The following TMOD3 variants were observed in gnomAD, a reference collection of about 807,000 sequenced individuals.
The protein encoded by TMOD3 is tropomodulin-3.
Under a neutral mutation model 39.2 loss-of-function variants are expected in TMOD3, and 20 were observed. That is an observed-to-expected ratio of 0.51 (90% CI 0.36 to 0.74). The LOEUF (loss-of-function observed/expected upper bound fraction) is 0.74. Ranked by LOEUF, TMOD3 falls within the 30% of genes least tolerant of loss-of-function variation. The probability of loss-of-function intolerance (pLI) is 0.00; values close to 1 mark genes in which losing one functional copy is unlikely to be tolerated. For missense variants in TMOD3, 381 were observed against 412.8 expected (o/e 0.92, Z 0.67); for synonymous variants, 143 against 145.8 (o/e 0.98, Z 0.14).
chr15:51,873,625 C>G (rs2056487129), intron 3 of TMOD3, among the ~76,000 whole-genome samples: 1 of 152,122 alleles, frequency 6.6e-6, no homozygotes, highest in South Asian at 2.1e-4. Flanking sequence ...GTTCCTTGAA[C>G]TCTTTCCAAA....
In TMOD3 at chr15:51,913,387, A is replaced by ATTTCAGAT. The variant is rs1415358603; in HGVS notation, c.*4587_*4594dup. 6.6e-6 allele frequency: 1 copy of ATTTCAGAT among 152,234 alleles called. No individual in the cohort carries two copies. The highest frequency in any genetic ancestry group is 1.5e-5 in the Non-Finnish European group (1 of 68,038). 9.4% of individuals were successfully genotyped at this position (152,234 alleles called of 1,614,324 possible). ...GGAAATGCTTATTGGAGCATTTAGA[A>ATTTCAGAT]TTTCAGATTTTCAGATTAGGGATGC... On this transcript the variant is annotated 3_prime_UTR_variant, in exon 10 of 10. Transcript: ENST00000308580.
intron 1 of TMOD3, among the ~76,000 whole-genome samples, chr15:51,848,503 C>T (rs554165818): frequency 1.5e-4 from 23 of 152,194 alleles, no homozygotes; most frequent in African/African-American, 4.8e-4. Flanking sequence ...AATCTCCAGC[C>T]GGAGATAACT....
intron 9 of TMOD3, among the ~76,000 whole-genome samples, chr15:51,905,622 CAT>C (rs1023928466): frequency 2.0e-5 from 3 of 152,132 alleles, no homozygotes; most frequent in African/African-American, 7.2e-5. Context: ...CCACCGAATA[CAT>C]GATTAAGATA....
chr15:51,868,646 C>G (rs1002223948), intron 2 of TMOD3, among the ~76,000 whole-genome samples: 1 of 152,180 alleles, frequency 6.6e-6, no homozygotes, highest in Non-Finnish European at 1.5e-5. Context: ...TTGTTTTCTG[C>G]TAGTAGAATC....
intron 3 of TMOD3, among the ~76,000 whole-genome samples, chr15:51,875,854 GTGATCCAC>G (rs2056500172): frequency 6.6e-6 from 1 of 151,912 alleles, no homozygotes; most frequent in African/African-American, 2.4e-5. Context: ...TCCTGACCTC[GTGATCCAC>G]CCACCTTGGC....
chr15:51,853,673 A>G (rs1365384111), intron 1 of TMOD3, among the ~76,000 whole-genome samples: 1 of 151,668 alleles, frequency 6.6e-6, no homozygotes, highest in African/African-American at 2.4e-5. Context: ...TTTGGGCATG[A>G]TGTCTTATGC....
Position 51,866,953 on chromosome 15 carries a change from C to G in TMOD3, c.127-2264C>G, listed in dbSNP as rs116279151. Among the ~76,000 whole-genome samples, 865 of 152,228 alleles carry G rather than the reference C, an allele frequency of 5.7e-3. 9 individuals are homozygous for G. Among genetic ancestry groups the G allele is most frequent in the African/African-American group, 0.02 (836 of 41,530 alleles). On this transcript the variant is annotated intron_variant, in intron 2 of 9. Coordinates refer to ENST00000308580, the MANE Select transcript of TMOD3 (RefSeq NM_014547.5). ...GCTTGTGATGAGAGGTTAAGAAAAGCTTCCCTGGGGGAATGGAGCTACAAT... is the reference window on the plus strand; with the variant it reads ...GCTTGTGATGAGAGGTTAAGAAAAGGTTCCCTGGGGGAATGGAGCTACAAT...
At position 51,882,505 on chromosome 15, in the gene TMOD3, A is replaced by T. The variant is rs565795142; in HGVS notation, c.284-5084A>T. 2.0e-5 allele frequency among the ~76,000 whole-genome samples: 3 copies of T among 152,268 alleles called. No individual in the cohort carries two copies. In the South Asian group the frequency reaches 6.2e-4, roughly 32 times the overall value. ...CCGAGTGAGAGACTGTCTCAAAAGA[A>T]AAAAACCAAAAACAAAAAACTTTGC... On this transcript the variant is annotated intron_variant, in intron 3 of 9. Transcript: ENST00000308580.
intron 3 of TMOD3, among the ~76,000 whole-genome samples, chr15:51,872,464 C>G (rs979278420): frequency 6.6e-6 from 1 of 151,858 alleles, no homozygotes; most frequent in Non-Finnish European, 1.5e-5. Context: ...TTTTCCCTTT[C>G]TTGTGAAAGG....
chr15:51,851,621 C>T (rs1257453389), intron 1 of TMOD3, among the ~76,000 whole-genome samples: 2 of 152,124 alleles, frequency 1.3e-5, no homozygotes, highest in African/African-American at 4.8e-5. Flanking sequence ...AACCAAGAAA[C>T]TCTTTTTAAA....
At position 51,909,647 on chromosome 15, in the gene TMOD3, G is replaced by A. The variant is rs2056700145; in HGVS notation, c.*837G>A. 1 of 152,062 alleles carries A rather than the reference G, an allele frequency of 6.6e-6. No homozygotes were observed. The highest frequency in any genetic ancestry group is 1.5e-5 in the Non-Finnish European group (1 of 67,970). The allele number at this position is 152,062 out of a possible 1,614,324, so 9.4% of individuals were successfully genotyped here. On this transcript the variant is annotated 3_prime_UTR_variant, in exon 10 of 10. Coordinates refer to ENST00000308580, the MANE Select transcript of TMOD3 (RefSeq NM_014547.5). ...CAACTCTTAGTTATTTAGGGTAAGA[G>A]AAAAAAGAAAACTGTTAAACAATGA...
chr15:51,906,300 A>G (rs996159143), intron 9 of TMOD3, among the ~76,000 whole-genome samples: 2 of 152,248 alleles, frequency 1.3e-5, no homozygotes, highest in Admixed American at 6.5e-5. Context: ...GAGATAATCA[A>G]AGAACAAGAC....
intron 7 of TMOD3, among the ~76,000 whole-genome samples, chr15:51,897,807 T>G (rs2056629378): frequency 7.0e-6 from 1 of 141,898 alleles, no homozygotes; most frequent in African/African-American, 2.7e-5. Context: ...AACAAAAAAC[T>G]AATGGAATCA....
chr15:51,881,550 C>CTTTTTTT lies in TMOD3; in HGVS notation c.284-6017_284-6011dup, dbSNP rs753814979. On this transcript the variant is annotated intron_variant, in intron 3 of 9. Coordinates refer to ENST00000308580, the MANE Select transcript of TMOD3 (RefSeq NM_014547.5). The stretch of plus-strand genomic sequence containing the variant: ...ACGGAGATACAATCTTTCTTTATTT[C>CTTTTTTT]TTTTTTTTTTTTTTTTTTTTTTTTT... 4.4e-3 allele frequency among the ~76,000 whole-genome samples: 270 copies of CTTTTTTT among 61,846 alleles called. 9 individuals carry two copies. Among genetic ancestry groups the CTTTTTTT allele is most frequent in the African/African-American group, 6.0e-3 (87 of 14,604 alleles). 40.6% of individuals were successfully genotyped at this position (61,846 alleles called of 152,430 possible). A position where few individuals can be genotyped will look rare whatever the true frequency, so the allele number is the denominator to read the frequency against.
chr15:51,855,534 T>C (rs571327965), intron 1 of TMOD3, among the ~76,000 whole-genome samples: 1 of 152,380 alleles, frequency 6.6e-6, no homozygotes, highest in East Asian at 1.9e-4. Context: ...AAAAGTTGTG[T>C]TTTTCTTAAA....
intron 1 of TMOD3, among the ~76,000 whole-genome samples, chr15:51,847,509 C>T (rs567798532): frequency 6.6e-6 from 1 of 152,102 alleles, no homozygotes; most frequent in South Asian, 2.1e-4. Flanking sequence ...GTCAACAAAC[C>T]GTAGCATCCC....
At chr15:51,889,690 A>T (rs1223186632) in intron 5 of TMOD3, among the ~76,000 whole-genome samples, 1 of 152,030 alleles carries the variant, frequency 6.6e-6, no homozygotes, top group East Asian at 1.9e-4. Flanking sequence ...GGAAACGTAG[A>T]CCCCCATCTC....
At chr15:51,862,141 C>T (rs973004392) in intron 1 of TMOD3, among the ~76,000 whole-genome samples, 8 of 152,006 alleles carry the variant, frequency 5.3e-5, no homozygotes, top group African/African-American at 1.7e-4. Flanking sequence ...TGGGAGAGAC[C>T]GCACAGGAAG....
At chr15:51,891,189 T>G (rs967038258) in intron 5 of TMOD3, among the ~76,000 whole-genome samples, 1 of 152,116 alleles carries the variant, frequency 6.6e-6, no homozygotes. Context: ...CATTTGGTTG[T>G]TTGTCTTTTT....
Sources: allele counts gnomAD v4.1 joint callset (sites outside exome capture counted in the v4.1 genomes callset), GRCh38; gene constraint gnomAD v4.1.1; transcripts MANE v1.5; gene names NCBI Gene and HGNC (gene_info 2026-07-23, HGNC 2026-07-21).